The following DMBT1 variants were observed in gnomAD, a reference collection of about 807,000 sequenced individuals.
DMBT1 encodes the protein scavenger receptor cysteine-rich domain-containing protein DMBT1.
Under a neutral mutation model 252.9 loss-of-function variants are expected in DMBT1, and 198 were observed. That is an observed-to-expected ratio of 0.78 (90% confidence interval 0.70 to 0.88). The LOEUF (loss-of-function observed/expected upper bound fraction) is 0.88. Among genes scored for constraint, DMBT1 ranks in the 40% least tolerant of loss-of-function variants. DMBT1 has a pLI of 0.00. For synonymous variants in DMBT1, 990 were observed against 942.7 expected (o/e 1.05, Z -0.92); for missense variants, 2,432 against 2,404.7 (o/e 1.01, Z -0.24).
intron 54 of DMBT1, among the ~76,000 whole-genome samples, chr10:122,639,021 G>A (rs1192711870): frequency 6.6e-6 from 1 of 152,298 alleles, no homozygotes; most frequent in African/African-American, 2.4e-5. Flanking sequence ...CATGAGCTGC[G>A]GGTCTAAGAC....
intron 47 of DMBT1, 108 bp from the exon 48 acceptor site, chr10:122,630,180 G>GA: frequency 1.5e-6 from 2 of 1,367,568 alleles, no homozygotes; most frequent in Non-Finnish European, 2.0e-6. Context: ...GGAAGAGCTA[G>GA]AAGAAAAACC....
chr10:122,618,384 T>A (rs760135262), intron 41 of DMBT1, 44 bp downstream of exon 41: 3 of 1,613,454 alleles, frequency 1.9e-6, no homozygotes, highest in Non-Finnish European at 2.5e-6. Context: ...AGTTGAAGTT[T>A]GCTCAGGAAG....
chr10:122,579,603 G>T lies in DMBT1; in HGVS notation c.705G>T (p.Arg235Ser). Reference protein sequence around the residue: ...TEGSESSLALRLVNGGDRCRG... With the variant: ...TEGSESSLALSLVNGGDRCRG... ...GATCTGAATCCAGTTTGGCCCTGAG[G>T]CTGGTGAATGGAGGCGACAGGTGTC... Residue 235 changes from arginine to serine, a missense_variant, in exon 10 of 56, where the codon AGG (arginine) becomes AGT (serine). This residue lies in a region of DMBT1 where 1,264 missense variants were observed against 1,082.2 expected (regional missense o/e 1.17). Coordinates refer to ENST00000338354, the MANE Select transcript of DMBT1 (RefSeq NM_001377530.1). The T allele has an allele frequency of 6.2e-7, 1 of 1,613,434 alleles. No individual in the cohort carries two copies. Among genetic ancestry groups the T allele is most frequent in the Non-Finnish European group, 8.5e-7 (1 of 1,179,744 alleles).
chr10:122,626,743 T>C (rs551092974), intron 46 of DMBT1, among the ~76,000 whole-genome samples: 2 of 152,336 alleles, frequency 1.3e-5, no homozygotes, highest in Middle Eastern at 3.4e-3. Flanking sequence ...CACAACAAAC[T>C]AGAAAATTAC....
intron 27 of DMBT1, among the ~76,000 whole-genome samples, chr10:122,600,490 T>A (rs933604586): frequency 1.9e-4 from 29 of 152,326 alleles, no homozygotes; most frequent in Middle Eastern, 6.8e-3. Flanking sequence ...ACCCCCATCC[T>A]TCACTGCTGG....
At chr10:122,576,853 C>G (rs1565615582) in intron 7 of DMBT1, 131 bp downstream of exon 7, 1 of 1,095,128 alleles carries the variant, frequency 9.1e-7, no homozygotes, top group East Asian at 2.5e-5. Flanking sequence ...GATGGCAAAC[C>G]CCATCTCTAT....
At chr10:122,600,019 T>C in intron 26 of DMBT1, 45 bp from the exon 27 acceptor site, 1 of 1,606,258 alleles carries the variant, frequency 6.2e-7, no homozygotes, top group South Asian at 1.1e-5. Context: ...TTTGCCGACT[T>C]CTGTGTAATG....
chr10:122,567,762 G>A (rs1029461474), intron 2 of DMBT1, among the ~76,000 whole-genome samples: 1 of 152,256 alleles, frequency 6.6e-6, no homozygotes, highest in East Asian at 1.9e-4. Flanking sequence ...CCAGCTCCAT[G>A]GTGGGAAGCA....
intron 55 of DMBT1, among the ~76,000 whole-genome samples, chr10:122,642,492 C>T (rs1473879192): frequency 6.6e-6 from 1 of 152,190 alleles, no homozygotes; most frequent in East Asian, 1.9e-4. Context: ...GTTATTTTCC[C>T]TCTGACCCCT....
Position 122,643,701 on chromosome 10 carries a change from A to T in DMBT1, c.*303A>T, listed in dbSNP as rs1254074441. 1 of 380,710 alleles carries T rather than the reference A, an allele frequency of 2.6e-6. No individual in the cohort carries two copies. The highest frequency in any genetic ancestry group is 4.6e-5 in the East Asian group (1 of 21,894). The allele number at this position is 380,710 out of a possible 1,614,324, so 23.6% of individuals were successfully genotyped here. The stretch of plus-strand genomic sequence containing the variant: ...ATACTTACTTCTTAGCACTGTTGAG[A>T]GGGTTACTTACATAAAGGAATTTTG... On this transcript the variant is annotated 3_prime_UTR_variant, in exon 56 of 56. Transcript: ENST00000338354.
At chr10:122,628,488 T>C (rs2098134548) in intron 46 of DMBT1, among the ~76,000 whole-genome samples, 4 of 151,922 alleles carry the variant, frequency 2.6e-5, no homozygotes, top group Admixed American at 2.6e-4. Context: ...ATACAAAAAT[T>C]AGCTGGGCAT....
At chr10:122,625,447 C>G in intron 45 of DMBT1, 144 bp downstream of exon 45, 1 of 830,498 alleles carries the variant, frequency 1.2e-6, no homozygotes, top group Non-Finnish European at 2.0e-6. Context: ...GGGTGACGAG[C>G]TGAGTTCCCA....
At position 122,598,783 on chromosome 10, in the gene DMBT1, C is replaced by A. The variant is rs372582382; in HGVS notation, c.2966C>A (p.Ser989Tyr). ...TLPASTVGSE[S>Y]SLALRLVNGG... ...TTGTGTTCCCCTGTAGGATCTGAATCCAGTTTGGCCCTGAGGCTGGTGAAT... is the reference window on the plus strand; with the variant it reads ...TTGTGTTCCCCTGTAGGATCTGAATACAGTTTGGCCCTGAGGCTGGTGAAT... Residue 989 changes from serine (S) to tyrosine (Y), a missense_variant, in exon 26 of 56, where the codon TCC becomes TAC. Physicochemically the swap from Ser to Tyr is moderately radical, Grantham distance 144. This residue lies in a region of DMBT1 where 1,264 missense variants were observed against 1,082.2 expected (regional missense o/e 1.17). Transcript: ENST00000338354. 24 of 1,613,100 alleles carry A rather than the reference C, an allele frequency of 1.5e-5. No homozygotes were observed. The highest frequency in any genetic ancestry group is 1.9e-5 in the Non-Finnish European group (23 of 1,179,738).
rs1555010205 is a variant in DMBT1, at chr10:122,619,343, T to C, written c.5245+6T>C. On this transcript the variant is annotated splice_donor_region_variant and intron_variant, in intron 42 of 55. Transcript: ENST00000338354. ...CCAGTCAACGCCCAGGCCAGGTGAG[T>C]CCCCAGCATCCTTCATCGGGATGTC... 1.2e-6 allele frequency: 2 copies of C among 1,613,908 alleles called. No homozygotes were observed. Among genetic ancestry groups the C allele is most frequent in the South Asian group, 1.1e-5 (1 of 91,078 alleles).
rs187799644 is a variant in DMBT1, at chr10:122,597,754, C to T, written c.2918-220C>T. Among the ~76,000 whole-genome samples, 20 of 152,260 alleles carry T rather than the reference C, an allele frequency of 1.3e-4. No homozygotes were observed. In the East Asian group the frequency reaches 2.9e-3, roughly 22 times the overall value. On this transcript the variant is annotated intron_variant, in intron 24 of 55. Transcript: ENST00000338354. ...CCTTTGTGACTGAGAAGAGGACATC[C>T]CACACTTCAGAGGCAGGAGGGATCG...
chr10:122,620,924 C>T lies in DMBT1; in HGVS notation c.5285-133C>T, dbSNP rs2098060655. 2.7e-6 allele frequency: 4 copies of T among 1,497,556 alleles called. No individual in the cohort carries two copies. The African/African-American group carries it at 5.5e-5, about 21-fold the overall frequency. The allele number at this position is 1,497,556 out of a possible 1,614,324, so 92.8% of individuals were successfully genotyped here. A position where few individuals can be genotyped will look rare whatever the true frequency, so the allele number is the denominator to read the frequency against. ...CACTATCATGAAGCTGAACCTCTGT[C>T]TGTATTCATATTCAAAGGTGATTAC... On this transcript the variant is annotated intron_variant, in intron 43 of 55. Transcript: ENST00000338354.
At chr10:122,575,031 C>G (rs2097699793) in intron 6 of DMBT1, among the ~76,000 whole-genome samples, 1 of 152,206 alleles carries the variant, frequency 6.6e-6, no homozygotes. Context: ...TCAGTCAGCT[C>G]CTGTAGGTGC....
At chr10:122,637,337 T>G (rs1227094121) in intron 54 of DMBT1, 25 bp downstream of exon 54, 1 of 1,571,420 alleles carries the variant, frequency 6.4e-7, no homozygotes, top group Non-Finnish European at 8.6e-7. Flanking sequence ...TCCCATTCCA[T>G]TTCCCAGTGC....
chr10:122,576,331 G>T (rs2097711611), intron 6 of DMBT1, 68 bp from the exon 7 acceptor site: 1 of 1,574,930 alleles, frequency 6.3e-7, no homozygotes, highest in Admixed American at 1.7e-5. Context: ...GACCCTGAAT[G>T]CCCTGCAGGC....
Sources: allele counts gnomAD v4.1 joint callset (sites outside exome capture counted in the v4.1 genomes callset), GRCh38; gene constraint gnomAD v4.1.1; regional missense constraint gnomAD v4.1.1; transcripts MANE v1.5; gene names NCBI Gene and HGNC (gene_info 2026-07-23, HGNC 2026-07-21).